TMEM87A: variants seen among roughly 807,000 people sequenced by gnomAD.
TMEM87A encodes Golgi-pH regulating cation channel.
In TMEM87A, 50 loss-of-function variants were observed where a neutral mutation model predicts 90.0. The observed-to-expected ratio is 0.56, with a 90% CI of 0.44 to 0.70. The LOEUF is 0.70. Among genes scored for constraint, TMEM87A ranks in the 30% least tolerant of loss-of-function variants. TMEM87A has a pLI of 0.00. For synonymous variants in TMEM87A, 226 were observed against 226.7 expected (o/e 1.00, Z 0.03); for missense variants, 577 against 660.5 (o/e 0.87, Z 1.39).
At chr15:42,236,093 C>CTTGGAAGTATGGAATATAT (rs1309332481) in intron 10 of TMEM87A, among the ~76,000 whole-genome samples, 6 of 151,990 alleles carry the variant, frequency 3.9e-5, no homozygotes, top group South Asian at 2.1e-4. Context: ...TACATTTGGA[C>CTTGGAAGTATGGAATATAT]TTGGAAGTAT....
intron 14 of TMEM87A, 68 bp from the exon 15 acceptor site, chr15:42,226,977 G>A (rs2050607331): frequency 6.9e-7 from 1 of 1,454,526 alleles, no homozygotes; most frequent in Non-Finnish European, 9.6e-7. Context: ...AAAGCCTTTG[G>A]CATAGAACAA....
chr15:42,225,868 T>C (rs1031180909), intron 15 of TMEM87A, among the ~76,000 whole-genome samples: 1 of 151,956 alleles, frequency 6.6e-6, no homozygotes, highest in Non-Finnish European at 1.5e-5. Context: ...ATCTCCCTTG[T>C]TTACTATACA....
chr15:42,262,590 A>T (rs947513763), intron 4 of TMEM87A, among the ~76,000 whole-genome samples: 7 of 151,740 alleles, frequency 4.6e-5, no homozygotes, highest in African/African-American at 1.7e-4. Context: ...TGCCCGGCTA[A>T]TTTTTTTGTA....
chr15:42,258,398 C>T, intron 6 of TMEM87A: 1 of 669,108 alleles, frequency 1.5e-6, no homozygotes, highest in Non-Finnish European at 1.8e-6. Context: ...TGAATATATA[C>T]CTATTAGTAA....
chr15:42,251,394 C>A (rs545883437), intron 6 of TMEM87A, among the ~76,000 whole-genome samples: 2 of 152,292 alleles, frequency 1.3e-5, no homozygotes, highest in South Asian at 4.1e-4. Flanking sequence ...TACCTTTGGT[C>A]TTTGATGTTG....
chr15:42,217,780 A>G (rs1290417741), intron 19 of TMEM87A, 23 bp downstream of exon 19: 5 of 1,610,082 alleles, frequency 3.1e-6, no homozygotes, highest in Non-Finnish European at 4.2e-6. Context: ...TACATAATTT[A>G]TGCACGTGAA....
chr15:42,268,877 A>G (rs1267261268), intron 2 of TMEM87A, among the ~76,000 whole-genome samples: 1 of 152,252 alleles, frequency 6.6e-6, no homozygotes, highest in East Asian at 1.9e-4. Flanking sequence ...GATGATATAC[A>G]TAATAGTTCC....
chr15:42,226,677 T>TA, intron 15 of TMEM87A, 129 bp downstream of exon 15: 1 of 765,672 alleles, frequency 1.3e-6, no homozygotes, highest in Non-Finnish European at 2.1e-6. Context: ...GGAACCCAGT[T>TA]CTTCTGATTC....
In TMEM87A at chr15:42,231,179, A is replaced by G; in HGVS notation, c.1131+13T>C. On this transcript the variant is annotated intron_variant, in intron 12 of 19. Coordinates refer to ENST00000389834, the MANE Select transcript of TMEM87A (RefSeq NM_015497.5). ...AAATGGACCATCATCAAACAAGCCA[A>G]TGAGAAGGATATCCACCAGCACAAG... The G allele has an allele frequency of 6.3e-7, 1 of 1,593,928 alleles. No homozygotes were observed. Among genetic ancestry groups the G allele is most frequent in the Non-Finnish European group, 8.5e-7 (1 of 1,173,570 alleles).
intron 15 of TMEM87A, chr15:42,224,494 A>G (rs1317214211): frequency 1.3e-5 from 2 of 152,240 alleles, no homozygotes; most frequent in Non-Finnish European, 2.9e-5. Flanking sequence ...GAACACCAGG[A>G]AAGAAAATAC....
chr15:42,262,377 T>A (rs764052953), intron 4 of TMEM87A: 5 of 152,118 alleles, frequency 3.3e-5, no homozygotes, highest in African/African-American at 4.8e-5. Context: ...AAATCTAAGT[T>A]ATAATAAAAG....
chr15:42,219,302 C>T (rs1160795571), intron 17 of TMEM87A, among the ~76,000 whole-genome samples: 1 of 152,128 alleles, frequency 6.6e-6, no homozygotes, highest in Admixed American at 6.6e-5. Context: ...TGGGTATTAA[C>T]CCCTTAACAG....
intron 8 of TMEM87A, among the ~76,000 whole-genome samples, chr15:42,238,035 G>A (rs4923935): frequency 0.95 from 144,428 of 151,680 alleles, 68,892 homozygotes; most frequent in Non-Finnish European, 1. Flanking sequence ...GTGTGTGTGT[G>A]TATGTATGTA....
intron 11 of TMEM87A, 141 bp downstream of exon 11, chr15:42,233,070 CTA>C (rs1356411840): frequency 1.7e-6 from 1 of 583,052 alleles, no homozygotes; most frequent in Non-Finnish European, 3.0e-6. Flanking sequence ...AGAACATGAA[CTA>C]TACATATATT....
intron 15 of TMEM87A, among the ~76,000 whole-genome samples, chr15:42,222,880 A>C (rs572818301): frequency 6.6e-6 from 1 of 152,314 alleles, no homozygotes; most frequent in Non-Finnish European, 1.5e-5. Context: ...ATTTTTAAAA[A>C]GTCATTAGAG....
intron 2 of TMEM87A, among the ~76,000 whole-genome samples, chr15:42,269,732 C>T (rs760616709): frequency 1.3e-5 from 2 of 150,570 alleles, no homozygotes; most frequent in African/African-American, 2.4e-5. Flanking sequence ...GTCAGGAGAT[C>T]GAGACCATCC....
intron 4 of TMEM87A, among the ~76,000 whole-genome samples, chr15:42,263,136 A>T (rs1301164872): frequency 6.6e-6 from 1 of 152,254 alleles, no homozygotes; most frequent in Non-Finnish European, 1.5e-5. Context: ...AAGAATTAAA[A>T]ATGTGACGTT....
intron 7 of TMEM87A, 128 bp from the exon 8 acceptor site, chr15:42,239,859 TG>T: frequency 1.3e-6 from 1 of 776,740 alleles, no homozygotes; most frequent in East Asian, 2.5e-5. Flanking sequence ...ACTTCAATCC[TG>T]GTCAATATTA....
In TMEM87A at chr15:42,264,699, A is replaced by ATATATTT. The variant is rs10681614; in HGVS notation, c.292-497_292-496insAAATATA. Among the ~76,000 whole-genome samples, 927 of 109,428 alleles carry ATATATTT rather than the reference A, an allele frequency of 8.5e-3. 10 individuals carry two copies. The highest frequency in any genetic ancestry group is 0.016 in the African/African-American group (507 of 32,510). 71.8% of individuals were successfully genotyped at this position (109,428 alleles called of 152,430 possible). ...TATGTGTGTGTATATATATATATAT[A>ATATATTT]TTTTTTTTTTAACTTTTATTTTAGG... On this transcript the variant is annotated intron_variant, in intron 3 of 19. Transcript: ENST00000389834.
Sources: gnomAD v4.1 joint callset for allele counts (sites outside exome capture counted in the v4.1 genomes callset) on GRCh38, gnomAD v4.1.1 for gene constraint, MANE v1.5 for transcripts, NCBI Gene and HGNC (gene_info 2026-07-23, HGNC 2026-07-21) for gene names.